Variants in C7orf33 observed in about 807,000 individuals in gnomAD.
C7orf33 encodes chromosome 7 open reading frame 33, also known as uncharacterized protein C7orf33.
In C7orf33, 15 loss-of-function variants were observed where a neutral mutation model predicts 13.4. The observed-to-expected ratio is 1.12, with a 90% CI of 0.75 to 1.72. The LOEUF is 1.72. Among genes scored for constraint, C7orf33 ranks in the 40% most tolerant of loss-of-function variants. C7orf33 has a pLI of 0.00. For synonymous variants in C7orf33, 73 were observed against 83.2 expected, an observed-to-expected ratio of 0.88 and a Z score of 0.67; for missense variants, 187 against 220.3, an observed-to-expected ratio of 0.85 and a Z score of 0.96.
chr7:148,605,797 T>G lies in C7orf33; in HGVS notation c.205-8245T>G, dbSNP rs536250316. 2.8e-3 allele frequency among the ~76,000 whole-genome samples: 427 copies of G among 152,340 alleles called. 2 individuals carry two copies. Among genetic ancestry groups the G allele is most frequent in the African/African-American group, 9.9e-3 (412 of 41,564 alleles). ...CTACCTCTATGAGACCTTAGAGTTC[T>G]CTTTTTATCCTGTTACAACTTTATA... On this transcript the variant is annotated intron_variant, in intron 1 of 2. Coordinates refer to ENST00000307003, the MANE Select transcript of C7orf33 (RefSeq NM_145304.4).
intron 1 of C7orf33, among the ~76,000 whole-genome samples, chr7:148,598,650 CTCTCTCTA>C (rs1279442760): frequency 6.9e-6 from 1 of 144,138 alleles, no homozygotes; most frequent in Admixed American, 7.0e-5. Flanking sequence ...CTCTCCCTCT[CTCTCTCTA>C]TATATATATA....
rs1796594544 is a variant in C7orf33 at position 148,615,638 on chromosome 7, C to A, written c.*237C>A. Reference sequence around the variant, plus strand: ...TGGCATTTGTGCACTGGTGTGGGGCCCAGGAGAGGACCACGGAGTGACAAG... The same window carrying A: ...TGGCATTTGTGCACTGGTGTGGGGCACAGGAGAGGACCACGGAGTGACAAG... On this transcript the variant is annotated 3_prime_UTR_variant, in exon 3 of 3. Transcript: ENST00000307003. 2 of 425,232 alleles carry A rather than the reference C, an allele frequency of 4.7e-6. No individual in the cohort carries two copies. The highest frequency in any genetic ancestry group is 9.0e-5 in the East Asian group (2 of 22,162). 26.3% of individuals were successfully genotyped at this position (425,232 alleles called of 1,614,324 possible).
At chr7:148,598,747 TATATATATATATATATAGAGAG>T (rs1422319746) in intron 1 of C7orf33, among the ~76,000 whole-genome samples, 37 of 71,454 alleles carry the variant, frequency 5.2e-4, no homozygotes, top group Middle Eastern at 6.3e-3. Context: ...TATATATATA[TATATATATATATATATAGAGAG>T]AGAGAGAGAG....
chr7:148,600,965 G>A (rs1199694100), intron 1 of C7orf33, among the ~76,000 whole-genome samples: 2 of 151,908 alleles, frequency 1.3e-5, no homozygotes, highest in Non-Finnish European at 1.5e-5. Context: ...ACCACACCCA[G>A]CTGATTTTTT....
At chr7:148,613,376 C>T (rs1191604867) in intron 1 of C7orf33, among the ~76,000 whole-genome samples, 2 of 152,182 alleles carry the variant, frequency 1.3e-5, no homozygotes, top group Non-Finnish European at 2.9e-5. Context: ...ACGTGCATAG[C>T]AGCATTATTC....
intron 1 of C7orf33, among the ~76,000 whole-genome samples, chr7:148,611,601 C>T (rs549013097): frequency 9.8e-5 from 15 of 152,326 alleles, no homozygotes; most frequent in Middle Eastern, 3.4e-3. Flanking sequence ...TTGCACTTAT[C>T]CTTCGAGCCC....
At chr7:148,600,207 G>A (rs888048983) in intron 1 of C7orf33, among the ~76,000 whole-genome samples, 2 of 152,176 alleles carry the variant, frequency 1.3e-5, no homozygotes, top group Admixed American at 6.5e-5. Flanking sequence ...AGTGGCTCAC[G>A]CCTGTAATCC....
intron 1 of C7orf33, among the ~76,000 whole-genome samples, chr7:148,596,070 T>C (rs944619584): frequency 1.3e-5 from 2 of 152,160 alleles, no homozygotes; most frequent in African/African-American, 2.4e-5. Flanking sequence ...TATTCTGCAG[T>C]TGATGCAGAG....
At chr7:148,591,596 T>A (rs1796269915) in intron 1 of C7orf33, among the ~76,000 whole-genome samples, 1 of 152,082 alleles carries the variant, frequency 6.6e-6, no homozygotes, top group African/African-American at 2.4e-5. Context: ...TGTTGTTGTT[T>A]TAGAGATAGT....
At chr7:148,606,204 A>T (rs1796471659) in intron 1 of C7orf33, among the ~76,000 whole-genome samples, 1 of 152,242 alleles carries the variant, frequency 6.6e-6, no homozygotes, top group Admixed American at 6.5e-5. Context: ...GTTTTTAGAC[A>T]GTTACACTTT....
chr7:148,602,759 G>A (rs1322181331), intron 1 of C7orf33, among the ~76,000 whole-genome samples: 2 of 152,178 alleles, frequency 1.3e-5, no homozygotes, highest in Non-Finnish European at 2.9e-5. Flanking sequence ...TGATGTAATT[G>A]TCTGCCTAAA....
At chr7:148,611,626 T>G (rs1423451615) in intron 1 of C7orf33, among the ~76,000 whole-genome samples, 1 of 152,164 alleles carries the variant, frequency 6.6e-6, no homozygotes, top group Non-Finnish European at 1.5e-5. Context: ...GTGATCCGAT[T>G]CTTCTGGGAC....
chr7:148,598,836 T>A (rs1200698093), intron 1 of C7orf33, among the ~76,000 whole-genome samples: 1 of 141,950 alleles, frequency 7.0e-6, no homozygotes, highest in East Asian at 2.1e-4. Flanking sequence ...TATCCAGGAA[T>A]GAAATTATTT....
chr7:148,595,494 G>A (rs190857786), intron 1 of C7orf33, among the ~76,000 whole-genome samples: 3,470 of 119,012 alleles, frequency 0.029, 70 homozygotes, highest in Admixed American at 0.051. Context: ...ATATACTATA[G>A]ATCTATATTA....
chr7:148,590,845 C>A lies in C7orf33; in HGVS notation c.-81C>A. Reference sequence around the variant, plus strand: ...AATCCTCCTACTGACCCTGGGGATCCGTGCGACTTGATCTTAGATATTGGT... The same window carrying A: ...AATCCTCCTACTGACCCTGGGGATCAGTGCGACTTGATCTTAGATATTGGT... On this transcript the variant is annotated 5_prime_UTR_variant, in exon 1 of 3. Transcript: ENST00000307003. The A allele has an allele frequency of 7.7e-7, 1 of 1,297,510 alleles. No individual in the cohort carries two copies. Among genetic ancestry groups the A allele is most frequent in the Non-Finnish European group, 1.1e-6 (1 of 901,910 alleles). 80.4% of individuals were successfully genotyped at this position (1,297,510 alleles called of 1,614,324 possible).
At position 148,614,141 on chromosome 7, in the gene C7orf33, G is replaced by C; in HGVS notation, c.304G>C (p.Gly102Arg). The C allele has an allele frequency of 1.2e-6, 2 of 1,614,174 alleles. No homozygotes were observed. The highest frequency in any genetic ancestry group is 1.7e-6 in the Non-Finnish European group (2 of 1,180,040). Reference protein sequence around the residue: ...SGAPWHFLSQGPTDAQRAVRI... With the variant: ...SGAPWHFLSQRPTDAQRAVRI... ...TGCCCCGTGGCATTTTCTTTCTCAA[G>C]GTCCCACGGATGCCCAGAGAGCAGT... Residue 102 changes from glycine (G) to arginine (R), a missense_variant, in exon 2 of 3, where the codon GGT becomes CGT. Physicochemically the swap from Gly to Arg is moderately radical, Grantham distance 125 (BLOSUM62 -2). Coordinates refer to ENST00000307003, the MANE Select transcript of C7orf33 (RefSeq NM_145304.4).
chr7:148,597,775 A>T (rs1473027545), intron 1 of C7orf33, among the ~76,000 whole-genome samples: 5 of 112,616 alleles, frequency 4.4e-5, no homozygotes, highest in Non-Finnish European at 1.0e-4. Flanking sequence ...TTTTGTTTTG[A>T]GACGGAATCT....
intron 1 of C7orf33, among the ~76,000 whole-genome samples, chr7:148,606,409 T>G (rs1323757827): frequency 1.3e-5 from 2 of 152,132 alleles, no homozygotes; most frequent in Non-Finnish European, 2.9e-5. Flanking sequence ...GCAGCGGGTG[T>G]GGAACCTACA....
chr7:148,600,362 T>C (rs1796397822), intron 1 of C7orf33, among the ~76,000 whole-genome samples: 1 of 152,124 alleles, frequency 6.6e-6, no homozygotes, highest in African/African-American at 2.4e-5. Flanking sequence ...TCGCAGCTAC[T>C]CAGGAGGCTG....
Sources: gnomAD v4.1 joint callset for allele counts (sites outside exome capture counted in the v4.1 genomes callset) on GRCh38, gnomAD v4.1.1 for gene constraint, MANE v1.5 for transcripts, NCBI Gene and HGNC (gene_info 2026-07-23, HGNC 2026-07-21) for gene names.